Variants in PATJ observed in about 807,000 individuals in gnomAD.
PATJ encodes inaD-like protein.
Under a neutral mutation model 224.9 loss-of-function variants are expected in PATJ, and 190 were observed. That is an observed-to-expected ratio of 0.84 (90% CI 0.75 to 0.95). The LOEUF (loss-of-function observed/expected upper bound fraction) is 0.95, where lower values mean the gene tolerates loss of function less well. Ranked by LOEUF, PATJ falls within the 40% of genes least tolerant of loss-of-function variation. PATJ has a pLI of 0.00. For missense variants in PATJ, 2,121 were observed against 2,270.3 expected (o/e 0.93, Z 1.34); for synonymous variants, 769 against 820.3 (o/e 0.94, Z 1.07).
chr1:62,034,255 C>A (rs1016120880), intron 29 of PATJ, among the ~76,000 whole-genome samples: 1 of 151,948 alleles, frequency 6.6e-6, no homozygotes, highest in Non-Finnish European at 1.5e-5. Context: ...CCAGCATGGC[C>A]AACATGGTGA....
chr1:61,999,716 T>C (rs555066982), intron 28 of PATJ, among the ~76,000 whole-genome samples: 1 of 152,140 alleles, frequency 6.6e-6, no homozygotes, highest in African/African-American at 2.4e-5. Flanking sequence ...ACCGTTCCAC[T>C]CCTTCCACCC....
At chr1:61,833,506 G>T in intron 16 of PATJ, 148 bp from the exon 17 acceptor site, 1 of 665,102 alleles carries the variant, frequency 1.5e-6, no homozygotes. Flanking sequence ...CCCAGAGCAT[G>T]CCCCTTTTAC....
rs559075043 is a variant in PATJ at position 61,761,962 on chromosome 1, A to G, written c.-35-896A>G. Among the ~76,000 whole-genome samples the G allele has an allele frequency of 4.6e-5, 7 of 152,252 alleles. No homozygotes were observed. In the South Asian group the frequency reaches 6.2e-4, roughly 14 times the overall value. ...CTCGGCCTCCCAAAGTGCTGGGATT[A>G]TAGGCATGAGTCAATGCGCCCGGCC... On this transcript the variant is annotated intron_variant, in intron 1 of 43. Coordinates refer to ENST00000642238, the MANE Select transcript of PATJ (RefSeq NM_001350145.3).
intron 27 of PATJ, chr1:61,952,431 T>TG (rs1422578031): frequency 1.4e-6 from 1 of 717,406 alleles, no homozygotes. Flanking sequence ...CTGTTGCCTG[T>TG]GTGATCTGTG....
At chr1:61,809,381 T>C (rs1322820147) in intron 14 of PATJ, among the ~76,000 whole-genome samples, 1 of 149,872 alleles carries the variant, frequency 6.7e-6, no homozygotes, top group Non-Finnish European at 1.5e-5. Context: ...TTTAAGAATG[T>C]ATTTTCTTTT....
At chr1:61,845,596 A>G (rs912661138) in intron 17 of PATJ, among the ~76,000 whole-genome samples, 1 of 152,044 alleles carries the variant, frequency 6.6e-6, no homozygotes, top group East Asian at 1.9e-4. Flanking sequence ...TTTACCTTGC[A>G]TTTCCTAGCA....
intron 22 of PATJ, among the ~76,000 whole-genome samples, chr1:61,890,515 G>A (rs1301662549): frequency 1.3e-5 from 2 of 151,470 alleles, no homozygotes; most frequent in Non-Finnish European, 2.9e-5. Flanking sequence ...CTTCTTCTTT[G>A]AGACAAGTTC....
chr1:62,034,262 G>A (rs931163760), intron 29 of PATJ, among the ~76,000 whole-genome samples: 1 of 151,974 alleles, frequency 6.6e-6, no homozygotes, highest in Non-Finnish European at 1.5e-5. Context: ...GGCCAACATG[G>A]TGATACTCCA....
rs368656109 is a variant in PATJ at position 61,775,299 on chromosome 1, G to A, written c.814G>A (p.Val272Met). Residue 272 changes from valine (V) to methionine (M), a missense_variant, in exon 7 of 44, where the codon GTG becomes ATG. By Grantham distance (21) the Val-to-Met change is conservative. Transcript: ENST00000642238. ...IVGGKTSGVV[V>M]RTIVPGGLAD... Reference sequence around the variant, plus strand: ...TGGAGGAAAAACAAGTGGCGTGGTTGTGAGGACTATAGTTCCTGGAGGATT... The same window carrying A: ...TGGAGGAAAAACAAGTGGCGTGGTTATGAGGACTATAGTTCCTGGAGGATT... 3.5e-5 allele frequency: 56 copies of A among 1,613,820 alleles called. No homozygotes were observed. The highest frequency in any genetic ancestry group is 4.5e-5 in the Non-Finnish European group (53 of 1,179,904).
At chr1:62,034,448 A>G (rs1649970060) in intron 29 of PATJ, among the ~76,000 whole-genome samples, 1 of 151,720 alleles carries the variant, frequency 6.6e-6, no homozygotes, top group Admixed American at 6.6e-5. Flanking sequence ...GTCTCAAAAA[A>G]AAAAAAAAAA....
intron 20 of PATJ, chr1:61,865,732 G>A (rs900579378): frequency 6.6e-6 from 1 of 152,000 alleles, no homozygotes; most frequent in Non-Finnish European, 1.5e-5. Context: ...TACTGTATGG[G>A]GACATTTTTA....
chr1:61,869,121 T>C lies in PATJ; in HGVS notation c.2835+4488T>C, dbSNP rs889840148. Among the ~76,000 whole-genome samples, 32 of 150,088 alleles carry C rather than the reference T, an allele frequency of 2.1e-4. No individual in the cohort carries two copies. In the South Asian group the frequency reaches 3.5e-3, roughly 16 times the overall value. On this transcript the variant is annotated intron_variant, in intron 20 of 43. Coordinates refer to ENST00000642238, the MANE Select transcript of PATJ (RefSeq NM_001350145.3). ...CATTTTTTTTTTTTTTTTTTTTCTTTTTTGAGACGGAGTCTCGCTCTGTCG... is the reference window on the plus strand; with the variant it reads ...CATTTTTTTTTTTTTTTTTTTTCTTCTTTGAGACGGAGTCTCGCTCTGTCG...
At chr1:62,113,403 G>A (rs925582784) in intron 34 of PATJ, among the ~76,000 whole-genome samples, 5 of 152,182 alleles carry the variant, frequency 3.3e-5, no homozygotes, top group African/African-American at 4.8e-5. Context: ...TTGAAAGTCC[G>A]AGGCAGGAGG....
intron 31 of PATJ, among the ~76,000 whole-genome samples, chr1:62,077,686 C>CA (rs11439364): frequency 0.16 from 14,213 of 88,848 alleles, 1,013 homozygotes; most frequent in Middle Eastern, 0.28. Context: ...AGACCCTGTC[C>CA]AAAAAAAAAA....
At chr1:61,991,254 A>G (rs1451275242) in intron 28 of PATJ, among the ~76,000 whole-genome samples, 1 of 152,220 alleles carries the variant, frequency 6.6e-6, no homozygotes, top group Non-Finnish European at 1.5e-5. Context: ...TACCAAACAC[A>G]ACAACCTCTT....
At chr1:61,855,339 A>T (rs902150632) in intron 17 of PATJ, among the ~76,000 whole-genome samples, 1 of 152,192 alleles carries the variant, frequency 6.6e-6, no homozygotes, top group African/African-American at 2.4e-5. Flanking sequence ...GCACTCAGAC[A>T]TGCCACTGAA....
intron 43 of PATJ, among the ~76,000 whole-genome samples, chr1:62,159,133 A>G (rs565854095): frequency 6.6e-6 from 1 of 152,286 alleles, no homozygotes; most frequent in East Asian, 1.9e-4. Context: ...TTACTTGTTT[A>G]ATTTTGTCTT....
In PATJ at chr1:62,114,166, TGAG is replaced by T. The variant is rs149912818; in HGVS notation, c.4579_4581del (p.Glu1527del). 8.3e-4 allele frequency: 1,346 copies of T among 1,613,962 alleles called. 14 individuals are homozygous for T. The East Asian group carries it at 0.022, about 26-fold the overall frequency. On this transcript the variant is annotated inframe_deletion, in exon 35 of 44. Coordinates refer to ENST00000642238, the MANE Select transcript of PATJ (RefSeq NM_001350145.3). The stretch of plus-strand genomic sequence containing the variant: ...ATAGAGATGAGGCACACTACCGGGA[TGAG>T]GAGAACTTGGAGATTTTCCCTGTGG...
chr1:61,897,272 T>C (rs1015040354), intron 22 of PATJ, among the ~76,000 whole-genome samples: 1 of 152,214 alleles, frequency 6.6e-6, no homozygotes, highest in Non-Finnish European at 1.5e-5. Context: ...AAGCAAGTGA[T>C]AGGTTAAAGT....
Sources: gnomAD v4.1 joint callset for allele counts (sites outside exome capture counted in the v4.1 genomes callset) on GRCh38, gnomAD v4.1.1 for gene constraint, MANE v1.5 for transcripts, NCBI Gene and HGNC (gene_info 2026-07-23, HGNC 2026-07-21) for gene names.